Variants in MGST1 observed in about 807,000 individuals in gnomAD.
MGST1 encodes microsomal glutathione S-transferase 1.
MGST1 carries 5 observed loss-of-function variants against 8.9 expected under a neutral mutation model. The ratio of observed to expected loss-of-function variants is 0.56; its 90% CI spans 0.29 to 1.19. The LOEUF is 1.19. Ranked by LOEUF, MGST1 falls within the 50% of genes most tolerant of loss-of-function variation. MGST1 has a pLI of 0.08. For missense variants in MGST1, 182 were observed against 187.4 expected, an observed-to-expected ratio of 0.97 and a Z score of 0.17; for synonymous variants, 54 against 67.8, an observed-to-expected ratio of 0.80 and a Z score of 1.00.
chr12:16,569,577 A>C (rs1036025974), intron 4 of MGST1, among the ~76,000 whole-genome samples: 7 of 152,198 alleles, frequency 4.6e-5, no homozygotes, highest in African/African-American at 1.7e-4. Context: ...ATGCAGAGAA[A>C]AGTAAAATAG....
intron 1 of MGST1, chr12:16,349,087 A>T (rs1418491499): frequency 6.6e-6 from 1 of 152,154 alleles, no homozygotes; most frequent in Non-Finnish European, 1.5e-5. Flanking sequence ...GCTAGAATTC[A>T]TCTAGAGTTC....
chr12:16,480,457 A>G (rs1456917063), intron 4 of MGST1, among the ~76,000 whole-genome samples: 1 of 152,186 alleles, frequency 6.6e-6, no homozygotes, highest in African/African-American at 2.4e-5. Context: ...TTGCTTTTTA[A>G]AAGACACAGT....
At chr12:16,574,543 A>G (rs1942932316) in intron 4 of MGST1, among the ~76,000 whole-genome samples, 1 of 152,258 alleles carries the variant, frequency 6.6e-6, no homozygotes, top group East Asian at 1.9e-4. Context: ...CACTTAACCA[A>G]TGATGTGTTT....
exon 2 of MGST1, chr12:16,437,607 C>T (rs1028301086): frequency 6.6e-6 from 1 of 152,128 alleles, no homozygotes; most frequent in African/African-American, 2.4e-5. Context: ...CCAAGACACA[C>T]CATTCTCTTC....
At chr12:16,441,084 A>G (rs374499684), downstream of MGST1, among the ~76,000 whole-genome samples, 9 of 151,940 alleles carry the variant, frequency 5.9e-5, no homozygotes, top group Admixed American at 3.9e-4. Flanking sequence ...GGAAATCTAT[A>G]TATTTGGATA....
At chr12:16,398,929 G>A (rs1304494205) in intron 1 of MGST1, among the ~76,000 whole-genome samples, 13 of 152,180 alleles carry the variant, frequency 8.5e-5, no homozygotes, top group Admixed American at 8.5e-4. Context: ...CCACTGTCTT[G>A]GAAATACAGC....
intron 1 of MGST1, among the ~76,000 whole-genome samples, chr12:16,418,999 C>T (rs1940809707): frequency 6.6e-6 from 1 of 152,058 alleles, no homozygotes; most frequent in Non-Finnish European, 1.5e-5. Context: ...TATTGATGTC[C>T]AGGCTCATGT....
rs1040236262 is a variant in MGST1 at position 16,362,657 on chromosome 12, T to A, written c.222-1138T>A. 1.3e-5 allele frequency: 2 copies of A among 152,174 alleles called. No individual in the cohort carries two copies. Among genetic ancestry groups the A allele is most frequent in the African/African-American group, 4.8e-5 (2 of 41,434 alleles). The allele number at this position is 152,174 out of a possible 1,614,324, so 9.4% of individuals were successfully genotyped here. On this transcript the variant is annotated intron_variant, in intron 3 of 3. Coordinates refer to ENST00000396210, the MANE Select transcript of MGST1 (RefSeq NM_020300.5). The surrounding 1 kb of genome is among the most constrained non-coding windows in gnomAD (Gnocchi z 4.4). ...GTGACATTTTAAAATTAAGTATTTT[T>A]AAAAATGTTGCTGGGCATGATGGCT... is the stretch of plus-strand genomic sequence containing the variant.
At chr12:16,394,093 T>A (rs1362377691) in intron 1 of MGST1, among the ~76,000 whole-genome samples, 4 of 152,212 alleles carry the variant, frequency 2.6e-5, no homozygotes. Context: ...AATTACAAAC[T>A]ATTTTCCAAA....
At chr12:16,359,205 G>A (rs1213952937) in intron 3 of MGST1, among the ~76,000 whole-genome samples, 1 of 152,138 alleles carries the variant, frequency 6.6e-6, no homozygotes, top group Non-Finnish European at 1.5e-5. Flanking sequence ...TCCTCTCTTT[G>A]CAGAATATGC....
intron 4 of MGST1, among the ~76,000 whole-genome samples, chr12:16,464,349 T>C (rs544609281): frequency 2.6e-5 from 4 of 152,040 alleles, no homozygotes; most frequent in South Asian, 4.1e-4. Context: ...TAGAGAAAAA[T>C]TTTCTGTTGT....
In MGST1 at chr12:16,401,570, G is replaced by T; in HGVS notation, n.778+17966G>T. 7.9e-7 allele frequency: 1 copy of T among 1,271,818 alleles called. No homozygotes were observed. Among genetic ancestry groups the T allele is most frequent in the Non-Finnish European group, 1.2e-6 (1 of 869,312 alleles). The allele number at this position is 1,271,818 out of a possible 1,614,324, so 78.8% of individuals were successfully genotyped here. Reference sequence around the variant, plus strand: ...TCAGCCATCAAAGTGCGAACAGGTTGGAGCAATAAGACTCGAAGCGAATAC... The same window carrying T: ...TCAGCCATCAAAGTGCGAACAGGTTTGAGCAATAAGACTCGAAGCGAATAC... On this transcript the variant is annotated intron_variant and non_coding_transcript_variant, in intron 1 of 1. Transcript: ENST00000359720. This position sits in a 1 kb window ranked among gnomAD's most constrained non-coding sequence, Gnocchi z 4.3.
chr12:16,349,095 T>G (rs2136903955), intron 1 of MGST1: 1 of 152,178 alleles, frequency 6.6e-6, no homozygotes, highest in African/African-American at 2.4e-5. Context: ...TCATCTAGAG[T>G]TCCAGATTAA....
At chr12:16,480,053 C>A (rs1006761245) in intron 4 of MGST1, among the ~76,000 whole-genome samples, 7 of 151,410 alleles carry the variant, frequency 4.6e-5, no homozygotes, top group African/African-American at 1.7e-4. Flanking sequence ...TTGGGTTAGG[C>A]AGTGATCCTT....
At chr12:16,591,253 C>T (rs1468464238), downstream of MGST1, among the ~76,000 whole-genome samples, 2 of 151,986 alleles carry the variant, frequency 1.3e-5, no homozygotes, top group Admixed American at 6.6e-5. This position sits in a 1 kb window ranked among gnomAD's most constrained non-coding sequence, Gnocchi z 4.1. Flanking sequence ...AAAACTCCCA[C>T]CTCAGGGCCT....
intron 1 of MGST1, among the ~76,000 whole-genome samples, chr12:16,396,634 C>A (rs1287014731): frequency 6.6e-6 from 1 of 152,086 alleles, no homozygotes; most frequent in Non-Finnish European, 1.5e-5. Flanking sequence ...CTCTTCTACA[C>A]ACCAACAGCA....
At chr12:16,465,170 GGAA>G (rs1172202896) in intron 4 of MGST1, among the ~76,000 whole-genome samples, 5 of 152,142 alleles carry the variant, frequency 3.3e-5, no homozygotes, top group Non-Finnish European at 2.9e-5. Flanking sequence ...GCTTGTACAG[GGAA>G]GAAGAACTCT....
chr12:16,565,397 T>G (rs1942565854), intron 4 of MGST1, among the ~76,000 whole-genome samples: 1 of 152,186 alleles, frequency 6.6e-6, no homozygotes. Context: ...TGATAGAAAA[T>G]GAAAACACTT....
chr12:16,415,088 T>C (rs1193618624), intron 1 of MGST1, among the ~76,000 whole-genome samples: 1 of 152,158 alleles, frequency 6.6e-6, no homozygotes, highest in African/African-American at 2.4e-5. Flanking sequence ...AAAACACCTA[T>C]GTAAGGGACT....
Sources: allele counts gnomAD v4.1 joint callset (sites outside exome capture counted in the v4.1 genomes callset), GRCh38; gene constraint gnomAD v4.1.1; non-coding constraint Gnocchi (gnomAD v3.1); transcripts MANE v1.5; gene names NCBI Gene and HGNC (gene_info 2026-07-23, HGNC 2026-07-21).